TSHZ2: variants seen among roughly 807,000 people sequenced by gnomAD.
The protein encoded by TSHZ2 is teashirt zinc finger homeobox 2, also known as teashirt homolog 2.
A neutral mutation model predicts 74.4 loss-of-function variants in TSHZ2; 21 were observed. The observed-to-expected ratio is 0.28, with a 90% CI of 0.20 to 0.41. TSHZ2 has a LOEUF of 0.41. Among genes scored for constraint, TSHZ2 ranks in the 10% least tolerant of loss-of-function variants. TSHZ2 has a pLI of 1.00. For missense variants in TSHZ2, 1,244 were observed against 1,293.5 expected (o/e 0.96, Z 0.59); for synonymous variants, 540 against 515.3 (o/e 1.05, Z -0.65).
At chr20:53,288,577 T>C (rs1433946841) in intron 2 of TSHZ2, among the ~76,000 whole-genome samples, 1 of 152,176 alleles carries the variant, frequency 6.6e-6, no homozygotes, top group Admixed American at 6.5e-5. Flanking sequence ...GGACCGCTCA[T>C]TTATTCATTC....
chr20:53,270,220 C>T (rs1426051393), intron 2 of TSHZ2, among the ~76,000 whole-genome samples: 2 of 152,086 alleles, frequency 1.3e-5, no homozygotes, highest in African/African-American at 2.4e-5. Flanking sequence ...CCTGGAGCTA[C>T]TCTGCTTGCA....
chr20:53,449,015 T>TA (rs1179587647), intron 2 of TSHZ2, among the ~76,000 whole-genome samples: 1 of 152,190 alleles, frequency 6.6e-6, no homozygotes, highest in African/African-American at 2.4e-5. Context: ...CACCTATTTT[T>TA]AGAAAAGAAA....
intron 1 of TSHZ2, among the ~76,000 whole-genome samples, chr20:53,092,645 T>C (rs1034092607): frequency 2.4e-4 from 36 of 152,348 alleles, no homozygotes; most frequent in African/African-American, 8.4e-4. Flanking sequence ...GCTGCATCTT[T>C]TGAAAAATTA....
chr20:53,256,695 G>T lies in TSHZ2; in HGVS notation c.*8+124G>T, dbSNP rs1990491984. 2.1e-6 allele frequency: 3 copies of T among 1,400,642 alleles called. No individual in the cohort carries two copies. The highest frequency in any genetic ancestry group is 1.4e-5 in the African/African-American group (1 of 69,908). The allele number at this position is 1,400,642 out of a possible 1,614,324, so 86.8% of individuals were successfully genotyped here. ...GCAGGATAGTAGCTTGCTGGAGTAG[G>T]ATTTATTTTAATGAAAGACCAGAAC... On this transcript the variant is annotated intron_variant, in intron 2 of 2. Transcript: ENST00000371497. The surrounding 1 kb of genome is among the most constrained non-coding windows in gnomAD (Gnocchi z 4.3).
intron 1 of TSHZ2, among the ~76,000 whole-genome samples, chr20:53,014,480 A>T (rs752386410): frequency 1.6e-4 from 24 of 152,118 alleles, no homozygotes; most frequent in Non-Finnish European, 2.5e-4. Flanking sequence ...TTAGTTATGA[A>T]CCAGGAGCTG....
intron 2 of TSHZ2, among the ~76,000 whole-genome samples, chr20:53,412,131 C>G (rs536751210): frequency 2.6e-5 from 4 of 152,196 alleles, no homozygotes; most frequent in Non-Finnish European, 4.4e-5. Context: ...CCCATTAAGA[C>G]TCAGTTCACA....
rs1986340660 is a variant in TSHZ2 at position 53,488,003 on chromosome 20, T to C, written c.*868T>C. 1 of 152,182 alleles carries C rather than the reference T, an allele frequency of 6.6e-6. No individual in the cohort carries two copies. Among genetic ancestry groups the C allele is most frequent in the Non-Finnish European group, 1.5e-5 (1 of 68,042 alleles). 9.4% of individuals were successfully genotyped at this position (152,182 alleles called of 1,614,324 possible). A position where few individuals can be genotyped will look rare whatever the true frequency, so the allele number is the denominator to read the frequency against. On this transcript the variant is annotated 3_prime_UTR_variant, in exon 3 of 3. Coordinates refer to ENST00000371497, the MANE Select transcript of TSHZ2 (RefSeq NM_173485.6). ...TCTGAGAGAACGCGAGAAGATGAGA[T>C]CATTACAGGGTGGAAAGTTCTGCAG...
chr20:53,149,246 G>A (rs1199116438), intron 1 of TSHZ2, among the ~76,000 whole-genome samples: 3 of 150,502 alleles, frequency 2.0e-5, no homozygotes, highest in Non-Finnish European at 2.9e-5. Context: ...ATCCCTGTCT[G>A]TGCTGCTTGT....
intron 2 of TSHZ2, among the ~76,000 whole-genome samples, chr20:53,438,179 G>A (rs966148614): frequency 4.7e-5 from 7 of 148,488 alleles, no homozygotes; most frequent in South Asian, 2.1e-4. Flanking sequence ...GTGCAGTCTC[G>A]GCTCATTGCA....
At chr20:53,228,707 AGTGGC>A (rs1989745497) in intron 1 of TSHZ2, among the ~76,000 whole-genome samples, 2 of 130,044 alleles carry the variant, frequency 1.5e-5, no homozygotes, top group Non-Finnish European at 3.3e-5. Flanking sequence ...ATTGGATGCC[AGTGGC>A]ACCACCTCCC....
chr20:53,074,444 G>C lies in TSHZ2; in HGVS notation c.40+101111G>C, dbSNP rs147552886. Among the ~76,000 whole-genome samples, 97 of 152,328 alleles carry C rather than the reference G, an allele frequency of 6.4e-4. No individual in the cohort carries two copies. Among genetic ancestry groups the C allele is most frequent in the African/African-American group, 2.2e-3 (90 of 41,568 alleles). ...CTGGCCAGAATACAAGTCAGAATGA[G>C]ATGGATGCAGTACGAAGTGTAGAAA... On this transcript the variant is annotated intron_variant, in intron 1 of 2. Transcript: ENST00000371497. The surrounding 1 kb of genome is among the most constrained non-coding windows in gnomAD (Gnocchi z 5.9).
chr20:53,370,681 T>C (rs1340012335), intron 2 of TSHZ2, among the ~76,000 whole-genome samples: 2 of 152,044 alleles, frequency 1.3e-5, no homozygotes, highest in Non-Finnish European at 1.5e-5. Flanking sequence ...GGAAGATCGG[T>C]TGAGGCCAGG....
At chr20:53,196,701 T>A (rs933818715) in intron 1 of TSHZ2, among the ~76,000 whole-genome samples, 1 of 152,230 alleles carries the variant, frequency 6.6e-6, no homozygotes, top group Non-Finnish European at 1.5e-5. Flanking sequence ...TATACGATCT[T>A]ATTCACACAA....
intron 2 of TSHZ2, among the ~76,000 whole-genome samples, chr20:53,416,787 A>C (rs902158016): frequency 2.0e-5 from 3 of 152,246 alleles, no homozygotes; most frequent in Admixed American, 2.0e-4. Flanking sequence ...TTCGTCACAT[A>C]GAGAAATAAT....
intron 2 of TSHZ2, among the ~76,000 whole-genome samples, chr20:53,378,378 A>G (rs1981738065): frequency 6.7e-6 from 1 of 148,724 alleles, no homozygotes; most frequent in African/African-American, 2.5e-5. Context: ...TAATAATAAT[A>G]ATAGAACCTA....
At chr20:53,129,454 A>T (rs1600704110) in intron 1 of TSHZ2, among the ~76,000 whole-genome samples, 2 of 152,224 alleles carry the variant, frequency 1.3e-5, no homozygotes, top group South Asian at 4.1e-4. Context: ...AGGAGGAACA[A>T]AAGGCAACTT....
At chr20:53,333,461 T>A (rs1259555355) in intron 2 of TSHZ2, among the ~76,000 whole-genome samples, 1 of 143,280 alleles carries the variant, frequency 7.0e-6, no homozygotes, top group Admixed American at 6.9e-5. Context: ...CATGGTTTCT[T>A]TTTTTTTTTT....
At chr20:53,292,506 G>C (rs1991298701) in intron 2 of TSHZ2, among the ~76,000 whole-genome samples, 1 of 149,158 alleles carries the variant, frequency 6.7e-6, no homozygotes, top group South Asian at 2.1e-4. Context: ...GAAGTGCAGT[G>C]GTGCAATCAT....
chr20:52,980,468 A>C (rs1024111518), intron 1 of TSHZ2, among the ~76,000 whole-genome samples: 2 of 152,104 alleles, frequency 1.3e-5, no homozygotes, highest in Admixed American at 1.3e-4. Context: ...TTCTGTTAGT[A>C]TAAAAATTAA....
Sources: gnomAD v4.1 joint callset for allele counts (sites outside exome capture counted in the v4.1 genomes callset) on GRCh38, gnomAD v4.1.1 for gene constraint, Gnocchi (gnomAD v3.1) non-coding constraint, MANE v1.5 for transcripts, NCBI Gene and HGNC (gene_info 2026-07-23, HGNC 2026-07-21) for gene names.